Variants in AKR1C8 observed in about 807,000 individuals in gnomAD.
AKR1C8 encodes aldo-keto reductase family 1 member C-like protein 1.
the AKR1C8 span, among the ~76,000 whole-genome samples, chr10:5,178,586 A>G: frequency 1.3e-5 from 2 of 152,286 alleles, no homozygotes; most frequent in Non-Finnish European, 2.9e-5. Flanking sequence ...GGGGTGTTAA[A>G]GTCTCCCGTT....
chr10:5,137,238 G>A, the AKR1C8 span, among the ~76,000 whole-genome samples: 3 of 152,034 alleles, frequency 2.0e-5, no homozygotes, highest in Admixed American at 2.0e-4. Flanking sequence ...CAGCGTGATT[G>A]ATGCAGAAGA....
chr10:5,175,734 G>T, the AKR1C8 span, among the ~76,000 whole-genome samples: 1 of 152,158 alleles, frequency 6.6e-6, no homozygotes, highest in Non-Finnish European at 1.5e-5. Flanking sequence ...CAGTGATGGT[G>T]AGCATTTTTT....
the AKR1C8 span, among the ~76,000 whole-genome samples, chr10:5,172,282 AT>A: frequency 1.3e-5 from 2 of 152,102 alleles, no homozygotes; most frequent in South Asian, 2.1e-4. Flanking sequence ...ATATGCCTTA[AT>A]TTTTTGACTT....
the AKR1C8 span, among the ~76,000 whole-genome samples, chr10:5,141,769 T>C: frequency 1.3e-5 from 2 of 152,136 alleles, no homozygotes; most frequent in East Asian, 3.9e-4. Flanking sequence ...TTTTAAACAG[T>C]AGACTTGAAA....
At chr10:5,154,102 A>T in the AKR1C8 span, 1 of 464,688 alleles carries the variant, frequency 2.2e-6, no homozygotes, top group African/African-American at 2.0e-5. Context: ...GTCACCTAAA[A>T]GGAGGAAATT....
At chr10:5,141,868 G>A in the AKR1C8 span, among the ~76,000 whole-genome samples, 1 of 152,040 alleles carries the variant, frequency 6.6e-6, no homozygotes, top group African/African-American at 2.4e-5. Flanking sequence ...CAAAGCATTG[G>A]TTTTATCCTG....
At chr10:5,128,676 T>TA in the AKR1C8 span, among the ~76,000 whole-genome samples, 4,399 of 150,380 alleles carry the variant, frequency 0.029, 79 homozygotes, top group Non-Finnish European at 0.044. Context: ...CAACAGCAGT[T>TA]AAAAAAAAAG....
chr10:5,123,440 C>A, the AKR1C8 span: 1 of 435,914 alleles, frequency 2.3e-6, no homozygotes, highest in Non-Finnish European at 4.3e-6. Context: ...CTGGTCCACC[C>A]TGGAAGGAAA....
At chr10:5,184,065 A>G in the AKR1C8 span, among the ~76,000 whole-genome samples, 2 of 152,258 alleles carry the variant, frequency 1.3e-5, no homozygotes, top group African/African-American at 4.8e-5. Flanking sequence ...ATGAATTATC[A>G]TTCAGCATCT....
At chr10:5,184,964 G>A in the AKR1C8 span, 1 of 530,838 alleles carries the variant, frequency 1.9e-6, no homozygotes, top group Middle Eastern at 3.2e-4. Context: ...TGACTGCCCT[G>A]CAAGTACAGC....
the AKR1C8 span, among the ~76,000 whole-genome samples, chr10:5,118,922 C>G: frequency 8.7e-6 from 1 of 115,488 alleles, no homozygotes; most frequent in South Asian, 3.1e-4. Flanking sequence ...CAACACTGTT[C>G]ACTCTATAAA....
chr10:5,127,909 T>A, the AKR1C8 span, among the ~76,000 whole-genome samples: 18 of 151,916 alleles, frequency 1.2e-4, no homozygotes, highest in Non-Finnish European at 2.5e-4. Context: ...GATTTAGATA[T>A]CCAAATAGAA....
At chr10:5,152,165 G>A in the AKR1C8 span, among the ~76,000 whole-genome samples, 4 of 152,072 alleles carry the variant, frequency 2.6e-5, no homozygotes, top group Admixed American at 2.0e-4. Context: ...ACTAGTTTGG[G>A]GACTTGCAGC....
the AKR1C8 span, chr10:5,158,603 T>G: frequency 2.1e-6 from 1 of 475,928 alleles, no homozygotes; most frequent in Admixed American, 2.3e-5. Context: ...TTATTACCAC[T>G]GTGGGTCTCT....
At chr10:5,183,382 C>T in the AKR1C8 span, among the ~76,000 whole-genome samples, 1 of 152,076 alleles carries the variant, frequency 6.6e-6, no homozygotes, top group Non-Finnish European at 1.5e-5. Flanking sequence ...ACTATAACTA[C>T]CAATTATCAG....
chr10:5,153,581 G>T, the AKR1C8 span, among the ~76,000 whole-genome samples: 1 of 152,162 alleles, frequency 6.6e-6, no homozygotes, highest in Non-Finnish European at 1.5e-5. Context: ...ATGCATGGCT[G>T]GGTAAGCGTC....
chr10:5,152,978 A>C, the AKR1C8 span, among the ~76,000 whole-genome samples: 1 of 152,156 alleles, frequency 6.6e-6, no homozygotes. Context: ...TCTTGAAAAA[A>C]AAGTTTGGAA....
At chr10:5,178,179 G>T in the AKR1C8 span, among the ~76,000 whole-genome samples, 156 of 152,208 alleles carry the variant, frequency 1.0e-3, no homozygotes, top group African/African-American at 3.5e-3. Flanking sequence ...GGTATGTTGT[G>T]TCTTTGTTCT....
At chr10:5,120,404 C>G in the AKR1C8 span, among the ~76,000 whole-genome samples, 1 of 152,014 alleles carries the variant, frequency 6.6e-6, no homozygotes, top group Admixed American at 6.6e-5. Context: ...TCAAGCTGGT[C>G]TCAGCAAAAA....
Sources: allele counts gnomAD v4.1 joint callset (sites outside exome capture counted in the v4.1 genomes callset), GRCh38; gene constraint gnomAD v4.1.1; transcripts MANE v1.5; gene names NCBI Gene and HGNC (gene_info 2026-07-23, HGNC 2026-07-21).